The following C12orf54 variants were observed in gnomAD, a reference collection of about 807,000 sequenced individuals.
C12orf54 encodes uncharacterized protein C12orf54.
A neutral mutation model predicts 26.4 loss-of-function variants in C12orf54; 24 were observed. The ratio of observed to expected loss-of-function variants is 0.91; its 90% CI spans 0.66 to 1.28. The LOEUF is 1.28. Ranked by LOEUF, C12orf54 falls within the 50% of genes most tolerant of loss-of-function variation. The pLI, the probability that C12orf54 is intolerant of heterozygous loss-of-function variation, is 0.00. For synonymous variants in C12orf54, 54 were observed against 47.0 expected (o/e 1.15, Z -0.61); for missense variants, 154 against 150.9 (o/e 1.02, Z -0.11).
the C12orf54 span, among the ~76,000 whole-genome samples, chr12:48,471,880 G>T: frequency 6.6e-6 from 1 of 152,082 alleles, no homozygotes; most frequent in Non-Finnish European, 1.5e-5. Context: ...TTCTGTGATG[G>T]ATGACATTGG....
chr12:48,493,232 A>C (rs1345473936), intron 7 of C12orf54, among the ~76,000 whole-genome samples: 1 of 152,130 alleles, frequency 6.6e-6, no homozygotes. Flanking sequence ...TCAGCCCTGA[A>C]CCTCACCATA....
At chr12:48,452,212 C>G in the C12orf54 span, among the ~76,000 whole-genome samples, 1 of 152,210 alleles carries the variant, frequency 6.6e-6, no homozygotes, top group Admixed American at 6.5e-5. Context: ...TTCAACAAAT[C>G]TTACAAAAAC....
chr12:48,424,905 A>G, the C12orf54 span, among the ~76,000 whole-genome samples: 2 of 152,126 alleles, frequency 1.3e-5, no homozygotes, highest in East Asian at 3.8e-4. Flanking sequence ...TGTGGTTGCC[A>G]AGGGCCAAGG....
chr12:48,471,920 A>T, the C12orf54 span, among the ~76,000 whole-genome samples: 3 of 152,166 alleles, frequency 2.0e-5, no homozygotes, highest in Non-Finnish European at 4.4e-5. Flanking sequence ...TTGAATCTGT[A>T]AGCCACTTTG....
chr12:48,462,860 A>C, the C12orf54 span, among the ~76,000 whole-genome samples: 52 of 151,964 alleles, frequency 3.4e-4, no homozygotes, highest in African/African-American at 1.2e-3. Flanking sequence ...TGCTCTCACC[A>C]CTTCTATTAA....
chr12:48,441,181 CTTA>C, the C12orf54 span, among the ~76,000 whole-genome samples: 1 of 152,176 alleles, frequency 6.6e-6, no homozygotes, highest in East Asian at 1.9e-4. Context: ...AGAATGAACT[CTTA>C]TTATGATTCA....
At chr12:48,452,899 A>C in the C12orf54 span, among the ~76,000 whole-genome samples, 2 of 152,304 alleles carry the variant, frequency 1.3e-5, no homozygotes, top group Middle Eastern at 3.4e-3. Context: ...TGGGAGTGTA[A>C]ATTAGTTCAA....
the C12orf54 span, among the ~76,000 whole-genome samples, chr12:48,434,669 C>T: frequency 6.6e-6 from 1 of 152,174 alleles, no homozygotes; most frequent in Non-Finnish European, 1.5e-5. Context: ...AGTGAACCTC[C>T]AGGAAACTCC....
At chr12:48,414,640 G>C in the C12orf54 span, among the ~76,000 whole-genome samples, 1 of 152,142 alleles carries the variant, frequency 6.6e-6, no homozygotes, top group East Asian at 1.9e-4. Flanking sequence ...CATGTGCCAG[G>C]CTGGCCCTTG....
At chr12:48,476,544 G>C in the C12orf54 span, among the ~76,000 whole-genome samples, 2 of 152,196 alleles carry the variant, frequency 1.3e-5, no homozygotes, top group African/African-American at 2.4e-5. Flanking sequence ...TAAAGGGATG[G>C]AGGAAGATCT....
chr12:48,419,543 G>A, the C12orf54 span, among the ~76,000 whole-genome samples: 1 of 152,140 alleles, frequency 6.6e-6, no homozygotes. Context: ...ATCGGAATAT[G>A]TTAGTGAATA....
chr12:48,461,217 A>G, the C12orf54 span, among the ~76,000 whole-genome samples: 1 of 152,154 alleles, frequency 6.6e-6, no homozygotes, highest in South Asian at 2.1e-4. Flanking sequence ...TCATAAAAAA[A>G]GCATCTGTGC....
the C12orf54 span, among the ~76,000 whole-genome samples, chr12:48,424,441 T>C: frequency 6.6e-6 from 1 of 152,122 alleles, no homozygotes; most frequent in Non-Finnish European, 1.5e-5. Context: ...TTTGTTAAAA[T>C]TCACCACAAG....
At chr12:48,463,555 C>T in the C12orf54 span, among the ~76,000 whole-genome samples, 1 of 151,728 alleles carries the variant, frequency 6.6e-6, no homozygotes, top group African/African-American at 2.4e-5. Flanking sequence ...GGACTCCTCT[C>T]CAATCATTCT....
the C12orf54 span, among the ~76,000 whole-genome samples, chr12:48,470,890 G>A: frequency 1.3e-5 from 2 of 151,768 alleles, no homozygotes; most frequent in Non-Finnish European, 2.9e-5. Context: ...TTTTGATACA[G>A]GCATGCAATG....
chr12:48,435,909 T>C, the C12orf54 span, among the ~76,000 whole-genome samples: 2 of 152,142 alleles, frequency 1.3e-5, no homozygotes, highest in Admixed American at 1.3e-4. Context: ...CAAATAATAA[T>C]AATAATGTTA....
the C12orf54 span, among the ~76,000 whole-genome samples, chr12:48,424,010 T>C: frequency 6.6e-6 from 1 of 152,150 alleles, no homozygotes. Context: ...TTAAGGGTGT[T>C]CTCATCTATT....
At chr12:48,495,117 T>C in intron 8 of C12orf54, 138 bp downstream of exon 8, 1 of 633,450 alleles carries the variant, frequency 1.6e-6, no homozygotes, top group South Asian at 2.2e-5. Context: ...CAAGGGGCAA[T>C]AGGGTGAGAG....
chr12:48,494,870 A>G lies in C12orf54; in HGVS notation c.315A>G (p.Pro105=). 1 of 1,613,354 alleles carries G rather than the reference A, an allele frequency of 6.2e-7. No homozygotes were observed. The change falls in exon 8 of 9, where the codon CCA becomes CCG. Residue 105 remains proline (P), a synonymous_variant. Transcript: ENST00000548364. ...TGCAGTTCAGCTCTGGAGAGCAGCC[A>G]TCAGGAGGCCGTATCCACAACCTGA... is the stretch of plus-strand genomic sequence containing the variant. ...RRLQFSSGEQ[P]SGGRIHNLKT...
Sources: gnomAD v4.1 joint callset for allele counts (sites outside exome capture counted in the v4.1 genomes callset) on GRCh38, gnomAD v4.1.1 for gene constraint, MANE v1.5 for transcripts, NCBI Gene and HGNC (gene_info 2026-07-23, HGNC 2026-07-21) for gene names.